The following RPL29 variants were observed in gnomAD, a reference collection of about 807,000 sequenced individuals.
RPL29 encodes ribosomal protein L29.
A neutral mutation model predicts 7.2 loss-of-function variants in RPL29; 4 were observed. The observed-to-expected ratio is 0.55, with a 90% CI of 0.27 to 1.26. RPL29 has a LOEUF of 1.26. Ranked by LOEUF, RPL29 falls within the 50% of genes most tolerant of loss-of-function variation. The pLI, the probability that RPL29 is intolerant of heterozygous loss-of-function variation, is 0.11. For missense variants in RPL29, 148 were observed against 209.1 expected (o/e 0.71, Z 1.80); for synonymous variants, 73 against 72.8 (o/e 1.00, Z -0.01).
intron 2 of RPL29, 91 bp downstream of exon 2, chr3:51,995,334 C>A: frequency 7.1e-7 from 1 of 1,415,310 alleles, no homozygotes; most frequent in Non-Finnish European, 1.0e-6. Context: ...CTCAGGCCCA[C>A]AATGGAAACG....
At chr3:51,994,311 A>T in intron 3 of RPL29, 185 bp from the exon 4 acceptor site, 1 of 706,560 alleles carries the variant, frequency 1.4e-6, no homozygotes, top group Non-Finnish European at 2.3e-6. Context: ...CCAATACGCC[A>T]CCTGGGTAAT....
Position 51,994,436 on chromosome 3 carries a change from TCCCCTCAGGGACAC to T in RPL29, c.103-324_103-311del, listed in dbSNP as rs1431403867. On this transcript the variant is annotated intron_variant, in intron 3 of 3. Coordinates refer to ENST00000294189, the MANE Select transcript of RPL29 (RefSeq NM_000992.3). ...GGTTCGACCAAGTTTTTTCCTGACA[TCCCCTCAGGGACAC>T]CCCCTCCCCTCTTTAGAAGAAGGTG... 4.8e-5 allele frequency: 18 copies of T among 373,406 alleles called. No homozygotes were observed. The South Asian group carries it at 7.4e-4, about 15-fold the overall frequency. The allele number at this position is 373,406 out of a possible 1,614,324, so 23.1% of individuals were successfully genotyped here.
intron 1 of RPL29, 193 bp from the exon 2 acceptor site, chr3:51,995,662 C>T (rs560772334): frequency 3.3e-6 from 2 of 607,288 alleles, no homozygotes; most frequent in African/African-American, 1.9e-5. Flanking sequence ...CAACTCCTTA[C>T]CCCCGGAAAG....
rs763804072 is a variant in RPL29, at chr3:51,994,949, C to T, written c.102+93G>A. ...GTGGGCCAGTTAGGCTGTGCTCAGGCAGAAGCCAAAGCTAGAGAAAAACTA... is the reference window on the plus strand; with the variant it reads ...GTGGGCCAGTTAGGCTGTGCTCAGGTAGAAGCCAAAGCTAGAGAAAAACTA... On this transcript the variant is annotated intron_variant, in intron 3 of 3. Transcript: ENST00000294189. The T allele has an allele frequency of 3.3e-5, 38 of 1,142,020 alleles. No homozygotes were observed. In the South Asian group the frequency reaches 4.2e-4, roughly 13 times the overall value. 70.7% of individuals were successfully genotyped at this position (1,142,020 alleles called of 1,614,324 possible).
rs1036021118 is a variant in RPL29, at chr3:51,993,670, C to G, written c.*79G>C. On this transcript the variant is annotated 3_prime_UTR_variant, in exon 4 of 4. Coordinates refer to ENST00000294189, the MANE Select transcript of RPL29 (RefSeq NM_000992.3). ...TTGTACAAATAGCACAGGAGGACCCCAGCCCCATGCAGATGGTAGCCCAGG... is the reference window on the plus strand; with the variant it reads ...TTGTACAAATAGCACAGGAGGACCCGAGCCCCATGCAGATGGTAGCCCAGG... 6 of 1,391,664 alleles carry G rather than the reference C, an allele frequency of 4.3e-6. No individual in the cohort carries two copies. Among genetic ancestry groups the G allele is most frequent in the African/African-American group, 4.3e-5 (3 of 69,710 alleles). The allele number at this position is 1,391,664 out of a possible 1,614,324, so 86.2% of individuals were successfully genotyped here.
chr3:51,994,450 C>A, intron 3 of RPL29: 1 of 361,664 alleles, frequency 2.8e-6, no homozygotes, highest in South Asian at 4.3e-5. Flanking sequence ...CTCAGGGACA[C>A]CCCCTCCCCT....
At chr3:51,994,679 T>C (rs1701292133) in intron 3 of RPL29, 1 of 595,664 alleles carries the variant, frequency 1.7e-6, no homozygotes. Flanking sequence ...GAAGAGAAGC[T>C]GACCCCAACT....
chr3:51,993,720 T>A lies in RPL29; in HGVS notation c.*29A>T. 6.5e-7 allele frequency: 1 copy of A among 1,549,864 alleles called. No individual in the cohort carries two copies. Among genetic ancestry groups the A allele is most frequent in the Non-Finnish European group, 8.7e-7 (1 of 1,153,340 alleles). The stretch of plus-strand genomic sequence containing the variant: ...GGGCGGGGGTGGGGGGTCGCACCAG[T>A]CCTTCTGTCCTCATGTTGGCAGAGA... On this transcript the variant is annotated 3_prime_UTR_variant, in exon 4 of 4. Coordinates refer to ENST00000294189, the MANE Select transcript of RPL29 (RefSeq NM_000992.3).
In RPL29 at chr3:51,993,882, A is replaced by C. The variant is rs1256495304; in HGVS notation, c.347T>G (p.Leu116Arg). ...KRARARIAKG[L>R]RLCRPKAKAK... ...CTTGGCCTTTGGCCGGCACAGCCTG[A>C]GCCCCTTGGCAATACGGGCACGAGC... is the stretch of plus-strand genomic sequence containing the variant. The change falls in exon 4 of 4, where the codon CTC becomes CGC. Residue 116 changes from leucine to arginine, a missense_variant. Physicochemically the swap from Leu to Arg is moderately radical, Grantham distance 102. Coordinates refer to ENST00000294189, the MANE Select transcript of RPL29 (RefSeq NM_000992.3). 6.3e-7 allele frequency: 1 copy of C among 1,596,256 alleles called. No individual in the cohort carries two copies. The highest frequency in any genetic ancestry group is 8.5e-7 in the Non-Finnish European group (1 of 1,179,604).
In RPL29 at chr3:51,995,109, G is replaced by T. The variant is rs1701297723; in HGVS notation, c.38-3C>A. 6.3e-7 allele frequency: 1 copy of T among 1,596,516 alleles called. No individual in the cohort carries two copies. The highest frequency in any genetic ancestry group is 8.5e-7 in the Non-Finnish European group (1 of 1,171,316). On this transcript the variant is annotated splice_region_variant and splice_polypyrimidine_tract_variant and intron_variant, in intron 2 of 3. Transcript: ENST00000294189. ...ACCATTTCTGTGCCATTTTCGGGCT[G>T]TGGGAGAAAAAAAGGGAATTAAGCC...
At position 51,994,118 on chromosome 3, in the gene RPL29, G is replaced by A; in HGVS notation, c.111C>T (p.Pro37=). 1 of 1,595,078 alleles carries A rather than the reference G, an allele frequency of 6.3e-7. No individual in the cohort carries two copies. Residue 37 remains proline, a synonymous_variant, in exon 4 of 4, where the codon CCC becomes CCT. Transcript: ENST00000294189. ...QRYESLKGVD[P]KFLRNMRFAK... ...CAAAGCGCATGTTCCTCAGGAACTTGGGGTCCACCTGAAAAGCAGGAAAGG... is the reference window on the plus strand; with the variant it reads ...CAAAGCGCATGTTCCTCAGGAACTTAGGGTCCACCTGAAAAGCAGGAAAGG...
Position 51,993,702 on chromosome 3 carries a change from G to C in RPL29, c.*47C>G. 6.6e-7 allele frequency: 1 copy of C among 1,520,734 alleles called. No individual in the cohort carries two copies. The highest frequency in any genetic ancestry group is 8.8e-7 in the Non-Finnish European group (1 of 1,138,378). 94.2% of individuals were successfully genotyped at this position (1,520,734 alleles called of 1,614,324 possible). ...ATGCAGATGGTAGCCCAGGGGCGGG[G>C]GTGGGGGGTCGCACCAGTCCTTCTG... On this transcript the variant is annotated 3_prime_UTR_variant, in exon 4 of 4. Transcript: ENST00000294189.
chr3:51,994,086 T>C lies in RPL29; in HGVS notation c.143A>G (p.Lys48Arg), dbSNP rs368351740. The C allele has an allele frequency of 6.6e-5, 106 of 1,603,568 alleles. No homozygotes were observed. The highest frequency in any genetic ancestry group is 8.9e-5 in the Non-Finnish European group (105 of 1,176,372). Residue 48 changes from lysine (K) to arginine (R), a missense_variant, in exon 4 of 4, where the codon AAG (lysine) becomes AGG (arginine). Transcript: ENST00000294189. Reference protein sequence around the residue: ...KFLRNMRFAKKHNKKGLKKMQ... With the variant: ...KFLRNMRFAKRHNKKGLKKMQ... ...CTTCTTTAGGCCCTTTTTGTTGTGC[T>C]TCTTGGCAAAGCGCATGTTCCTCAG...
Position 51,993,911 on chromosome 3 carries a change from C to T in RPL29, c.318G>A (p.Lys106=). Reference sequence around the variant, plus strand: ...CCTTGGCAATACGGGCACGAGCACGCTTCCCAAGCTTGGGGTGGGCAATGT... The same window carrying T: ...CCTTGGCAATACGGGCACGAGCACGTTTCCCAAGCTTGGGGTGGGCAATGT... ...LAYIAHPKLG[K]RARARIAKGL... is the part of the protein sequence containing the mutation. The change falls in exon 4 of 4, where the codon AAG becomes AAA. Residue 106 remains lysine (K), a synonymous_variant. Coordinates refer to ENST00000294189, the MANE Select transcript of RPL29 (RefSeq NM_000992.3). 1.3e-6 allele frequency: 2 copies of T among 1,596,526 alleles called. No individual in the cohort carries two copies. The highest frequency in any genetic ancestry group is 1.7e-6 in the Non-Finnish European group (2 of 1,179,784).
chr3:51,994,876 G>A (rs1310591060), intron 3 of RPL29, 166 bp downstream of exon 3: 2 of 775,444 alleles, frequency 2.6e-6, no homozygotes, highest in Non-Finnish European at 4.7e-6. Flanking sequence ...ACCAAGGAAA[G>A]CTTTATTATG....
rs558335551 is a variant in RPL29, at chr3:51,993,739, G to T, written c.*10C>A. The T allele has an allele frequency of 3.6e-5, 56 of 1,573,738 alleles. No individual in the cohort carries two copies. In the East Asian group the frequency reaches 1.2e-3, roughly 35 times the overall value. The stretch of plus-strand genomic sequence containing the variant: ...CACCAGTCCTTCTGTCCTCATGTTG[G>T]CAGAGATATCTACTCTGAAGCCTTT... On this transcript the variant is annotated 3_prime_UTR_variant, in exon 4 of 4. Coordinates refer to ENST00000294189, the MANE Select transcript of RPL29 (RefSeq NM_000992.3).
rs765349642 is a variant in RPL29 at position 51,995,410 on chromosome 3, GC to G, written c.37+14del. Reference sequence around the variant, plus strand: ...TGCCAGGGTCTGGGATGTAGGCAGGGCCCAAAAAACTTACACTGGTTGTGTG... The same window carrying G: ...TGCCAGGGTCTGGGATGTAGGCAGGGCCAAAAAACTTACACTGGTTGTGTG... On this transcript the variant is annotated intron_variant, in intron 2 of 3. Transcript: ENST00000294189. The G allele has an allele frequency of 2.0e-5, 33 of 1,613,974 alleles. 1 individual carries two copies. The highest frequency in any genetic ancestry group is 2.2e-5 in the Non-Finnish European group (26 of 1,179,964).
At chr3:51,994,189 T>C (rs944464182) in intron 3 of RPL29, 63 bp from the exon 4 acceptor site, 57 of 1,523,792 alleles carry the variant, frequency 3.7e-5, no homozygotes, top group Non-Finnish European at 4.8e-5. Flanking sequence ...CTGCTGCCCC[T>C]CTCCATAGGG....
intron 3 of RPL29, 66 bp downstream of exon 3, chr3:51,994,976 A>C (rs756102660): frequency 2.9e-6 from 4 of 1,398,190 alleles, no homozygotes; most frequent in Non-Finnish European, 4.1e-6. Context: ...GAAAAACTAC[A>C]TGAGAGGCCT....
Sources: allele counts gnomAD v4.1 joint callset, GRCh38; gene constraint gnomAD v4.1.1; transcripts MANE v1.5; gene names NCBI Gene and HGNC (gene_info 2026-07-23, HGNC 2026-07-21).